PXDNL: variants seen among roughly 807,000 people sequenced by gnomAD.
PXDNL encodes the protein probable oxidoreductase PXDNL.
A neutral mutation model predicts 150.8 loss-of-function variants in PXDNL; 145 were observed. That is an observed-to-expected ratio of 0.96 (90% CI 0.84 to 1.10). The LOEUF (loss-of-function observed/expected upper bound fraction) is 1.10, where lower values mean the gene tolerates loss of function less well. Among genes scored for constraint, PXDNL ranks in the 50% least tolerant of loss-of-function variants. The pLI, the probability that PXDNL is intolerant of heterozygous loss-of-function variation, is 0.00. For synonymous variants in PXDNL, 757 were observed against 725.7 expected (o/e 1.04, Z -0.69); for missense variants, 2,087 against 1,873.9 (o/e 1.11, Z -2.10).
At chr8:51,726,216 T>G (rs1816814374) in intron 1 of PXDNL, among the ~76,000 whole-genome samples, 1 of 152,204 alleles carries the variant, frequency 6.6e-6, no homozygotes, top group Non-Finnish European at 1.5e-5. Flanking sequence ...ACAAGCTCCA[T>G]GGGAGCAGGA....
intron 1 of PXDNL, among the ~76,000 whole-genome samples, chr8:51,711,822 A>G (rs1360625240): frequency 6.6e-6 from 1 of 152,246 alleles, no homozygotes. Flanking sequence ...TTCATTAGGC[A>G]TATCTGACTG....
At chr8:51,552,185 A>C (rs1812502840) in intron 4 of PXDNL, among the ~76,000 whole-genome samples, 1 of 152,158 alleles carries the variant, frequency 6.6e-6, no homozygotes, top group African/African-American at 2.4e-5. Context: ...AAAATATCAG[A>C]TGTTGGTGTG....
chr8:51,620,549 T>C (rs1341233949), intron 2 of PXDNL, among the ~76,000 whole-genome samples: 1 of 147,510 alleles, frequency 6.8e-6, no homozygotes, highest in East Asian at 1.9e-4. Flanking sequence ...CTCAATCACT[T>C]TTTTTTTTTT....
At chr8:51,536,906 C>T (rs59853746) in intron 4 of PXDNL, among the ~76,000 whole-genome samples, 2,657 of 152,252 alleles carry the variant, frequency 0.017, 37 homozygotes, top group African/African-American at 0.031. Context: ...TTCTTAGGTA[C>T]CTGAACTCAA....
intron 1 of PXDNL, among the ~76,000 whole-genome samples, chr8:51,754,097 G>T (rs1180483898): frequency 6.6e-6 from 1 of 152,208 alleles, no homozygotes; most frequent in Non-Finnish European, 1.5e-5. Flanking sequence ...AAAATGTACA[G>T]TGTTTGCTAT....
intron 1 of PXDNL, among the ~76,000 whole-genome samples, chr8:51,783,665 C>T (rs1025509777): frequency 6.6e-6 from 1 of 152,078 alleles, no homozygotes; most frequent in Non-Finnish European, 1.5e-5. Context: ...TACTGGAAAG[C>T]CATTGCTGAA....
In PXDNL at chr8:51,320,018, C is replaced by A. The variant is rs200812367; in HGVS notation, c.4265G>T (p.Gly1422Val). 507 of 1,509,640 alleles carry A rather than the reference C, an allele frequency of 3.4e-4. 1 individual carries two copies. Among genetic ancestry groups the A allele is most frequent in the Non-Finnish European group, 4.2e-4 (475 of 1,130,328 alleles). 93.5% of individuals were successfully genotyped at this position (1,509,640 alleles called of 1,614,324 possible). The change falls in exon 23 of 23, where the codon GGC becomes GTC. Residue 1422 changes from glycine to valine, a missense_variant. Gly to Val is a moderately radical substitution (Grantham distance 109). Coordinates refer to ENST00000356297, the MANE Select transcript of PXDNL (RefSeq NM_144651.5). Reference protein sequence around the residue: ...EDCTHCICESGQVTCVVEICP... With the variant: ...EDCTHCICESVQVTCVVEICP... ...AATCTCCACCACACAGGTGACCTGGCCACTCTGAAAGGCAGCATGCACATA... is the reference window on the plus strand; with the variant it reads ...AATCTCCACCACACAGGTGACCTGGACACTCTGAAAGGCAGCATGCACATA...
chr8:51,576,198 CA>C (rs35166901), intron 3 of PXDNL, among the ~76,000 whole-genome samples: 5,180 of 109,294 alleles, frequency 0.047, 213 homozygotes, highest in African/African-American at 0.13. Context: ...AACACTGCTC[CA>C]AAAAAAAAAA....
intron 17 of PXDNL, among the ~76,000 whole-genome samples, chr8:51,402,578 ATAAACT>A (rs1205076156): frequency 3.3e-5 from 5 of 152,054 alleles, no homozygotes; most frequent in African/African-American, 1.2e-4. Flanking sequence ...TGAGTGACAA[ATAAACT>A]TATACTTACT....
intron 17 of PXDNL, among the ~76,000 whole-genome samples, chr8:51,383,284 T>C (rs898563270): frequency 6.6e-6 from 1 of 152,230 alleles, no homozygotes; most frequent in African/African-American, 2.4e-5. Context: ...TCTGTATTAA[T>C]AGCTTTGGTA....
At chr8:51,608,620 G>T (rs1202402785) in intron 2 of PXDNL, among the ~76,000 whole-genome samples, 3 of 148,528 alleles carry the variant, frequency 2.0e-5, no homozygotes, top group Non-Finnish European at 4.4e-5. Flanking sequence ...GGCAGATCAC[G>T]AGGTCAGGAG....
At chr8:51,779,586 G>C (rs1348820314) in intron 1 of PXDNL, among the ~76,000 whole-genome samples, 1 of 152,212 alleles carries the variant, frequency 6.6e-6, no homozygotes, top group Admixed American at 6.5e-5. Flanking sequence ...GCAGCAGAAA[G>C]AAAGGATGAG....
intron 1 of PXDNL, among the ~76,000 whole-genome samples, chr8:51,690,739 C>T (rs1178881659): frequency 7.3e-5 from 11 of 151,130 alleles, no homozygotes; most frequent in Admixed American, 1.3e-4. Context: ...CCTGAGGAAT[C>T]GCCACACTGA....
At chr8:51,565,649 C>T (rs960533120) in intron 3 of PXDNL, among the ~76,000 whole-genome samples, 1 of 151,796 alleles carries the variant, frequency 6.6e-6, no homozygotes, top group Non-Finnish European at 1.5e-5. Context: ...GACACCTTTG[C>T]TTTCTGATGG....
intron 5 of PXDNL, among the ~76,000 whole-genome samples, chr8:51,491,613 C>T (rs1315973890): frequency 2.6e-5 from 4 of 152,304 alleles, no homozygotes; most frequent in Admixed American, 2.6e-4. Flanking sequence ...TGCCATGGGC[C>T]TGCCTGCCAG....
At chr8:51,334,654 C>T (rs10092020) in intron 21 of PXDNL, among the ~76,000 whole-genome samples, 33,688 of 151,988 alleles carry the variant, frequency 0.22, 3,887 homozygotes, top group Middle Eastern at 0.3. Flanking sequence ...CTGACACCAC[C>T]GGAATGCAAA....
At chr8:51,704,393 A>G (rs969251167) in intron 1 of PXDNL, among the ~76,000 whole-genome samples, 1 of 152,172 alleles carries the variant, frequency 6.6e-6, no homozygotes, top group Non-Finnish European at 1.5e-5. Context: ...CTATTCGAAG[A>G]TATTTGGGTT....
Position 51,486,786 on chromosome 8 carries a change from ATATATATATTTTTTTTTTTT to A in PXDNL, c.453-3092_453-3073del, listed in dbSNP as rs1169292822. ...TATATATATATATATATATATATAT[ATATATATATTTTTTTTTTTT>A]TTTTTTTTTTTTTTTGAGACGGAGT... On this transcript the variant is annotated intron_variant, in intron 5 of 22. Coordinates refer to ENST00000356297, the MANE Select transcript of PXDNL (RefSeq NM_144651.5). 3.9e-3 allele frequency among the ~76,000 whole-genome samples: 92 copies of A among 23,488 alleles called. No individual in the cohort carries two copies. The East Asian group carries it at 0.042, about 11-fold the overall frequency. The allele number at this position is 23,488 out of a possible 152,430, so 15.4% of individuals were successfully genotyped here. A position where few individuals can be genotyped will look rare whatever the true frequency, so the allele number is the denominator to read the frequency against.
chr8:51,335,966 G>C (rs1459520109), intron 21 of PXDNL, among the ~76,000 whole-genome samples: 4 of 152,222 alleles, frequency 2.6e-5, no homozygotes, highest in African/African-American at 9.6e-5. Flanking sequence ...ATCATTCCTA[G>C]ACATTCAAAA....
Sources: gnomAD v4.1 joint callset for allele counts (sites outside exome capture counted in the v4.1 genomes callset) on GRCh38, gnomAD v4.1.1 for gene constraint, MANE v1.5 for transcripts, NCBI Gene and HGNC (gene_info 2026-07-23, HGNC 2026-07-21) for gene names.